TP63: variants seen among roughly 807,000 people sequenced by gnomAD.
The protein encoded by TP63 is tumor protein 63.
In TP63, 17 loss-of-function variants were observed where a neutral mutation model predicts 82.8. The ratio of observed to expected loss-of-function variants is 0.21; its 90% CI spans 0.14 to 0.31. The LOEUF is 0.31. Among genes scored for constraint, TP63 ranks in the 10% least tolerant of loss-of-function variants. The probability of loss-of-function intolerance (pLI) is 1.00; values close to 1 mark genes in which losing one functional copy is unlikely to be tolerated. For missense variants in TP63, 648 were observed against 895.3 expected (o/e 0.72, Z 3.52); for synonymous variants, 330 against 321.7 (o/e 1.03, Z -0.28).
chr3:189,718,439 C>T (rs62279898), intron 1 of TP63, among the ~76,000 whole-genome samples: 5 of 149,954 alleles, frequency 3.3e-5, no homozygotes, highest in Admixed American at 2.0e-4. Flanking sequence ...CAGGGTGGCA[C>T]GATGGGGGAA....
At chr3:189,718,777 C>A (rs1489144216) in intron 1 of TP63, among the ~76,000 whole-genome samples, 1 of 151,668 alleles carries the variant, frequency 6.6e-6, no homozygotes, top group African/African-American at 2.4e-5. Context: ...GGTAGAGAAC[C>A]TATACATGTA....
intron 7 of TP63, 96 bp from the exon 8 acceptor site, chr3:189,868,484 C>T (rs145255810): frequency 2.4e-5 from 37 of 1,548,806 alleles, no homozygotes; most frequent in East Asian, 1.4e-4. Context: ...AGTACGTTGG[C>T]GATGGCCCAT....
intron 10 of TP63, among the ~76,000 whole-genome samples, chr3:189,878,936 A>G (rs1719590048): frequency 6.8e-6 from 1 of 147,476 alleles, no homozygotes; most frequent in Non-Finnish European, 1.5e-5. Context: ...CCTACAGTTT[A>G]CTTTTGAATT....
chr3:189,739,088 G>A (rs796198414), intron 3 of TP63, among the ~76,000 whole-genome samples: 33 of 152,208 alleles, frequency 2.2e-4, no homozygotes, highest in African/African-American at 7.9e-4. Context: ...AGCTGGTAGG[G>A]ACAGCAAAAG....
At chr3:189,841,307 T>C (rs80135986) in intron 4 of TP63, among the ~76,000 whole-genome samples, 4,147 of 152,320 alleles carry the variant, frequency 0.027, 75 homozygotes, top group Middle Eastern at 0.048. Flanking sequence ...GACTTTCTTA[T>C]AGAGTTAGCT....
In TP63 at chr3:189,645,299, C is replaced by T. The variant is rs145825254; in HGVS notation, c.62+13722C>T. The T allele has an allele frequency of 1.0e-3, 489 of 471,778 alleles. 1 individual carries two copies. The Middle Eastern group carries it at 0.011, about 10-fold the overall frequency. The allele number at this position is 471,778 out of a possible 1,614,324, so 29.2% of individuals were successfully genotyped here. On this transcript the variant is annotated intron_variant, in intron 1 of 13. Coordinates refer to ENST00000264731, the MANE Select transcript of TP63 (RefSeq NM_003722.5). ...TCCACACACCCTTTGGTCTCTTGAA[C>T]TGCCCTTCTTTGGTTCCTTTTCCAC...
chr3:189,880,625 C>T (rs1713892176), intron 10 of TP63: 2 of 985,870 alleles, frequency 2.0e-6, no homozygotes, highest in South Asian at 9.4e-5. Context: ...TTGTTATTGT[C>T]TGTGCATAAG....
At chr3:189,712,490 CT>C (rs1718665143) in intron 1 of TP63, among the ~76,000 whole-genome samples, 1 of 152,098 alleles carries the variant, frequency 6.6e-6, no homozygotes, top group Non-Finnish European at 1.5e-5. Flanking sequence ...TGAGCACCAG[CT>C]TTTTCATAGG....
At chr3:189,833,566 C>T (rs1391275384) in intron 4 of TP63, among the ~76,000 whole-genome samples, 1 of 152,152 alleles carries the variant, frequency 6.6e-6, no homozygotes, top group African/African-American at 2.4e-5. Context: ...AATCTGTCCA[C>T]GTTGACAAAA....
intron 4 of TP63, among the ~76,000 whole-genome samples, chr3:189,833,271 G>A (rs1712637459): frequency 6.6e-6 from 1 of 152,330 alleles, no homozygotes; most frequent in African/African-American, 2.4e-5. Context: ...AGAAAACAGG[G>A]TGACTGAGTA....
At position 189,809,388 on chromosome 3, in the gene TP63, T is replaced by A. The variant is rs7624774; in HGVS notation, c.579+862T>A. Among the ~76,000 whole-genome samples, 46 of 152,228 alleles carry A rather than the reference T, an allele frequency of 3.0e-4. 1 individual carries two copies. In the East Asian group the frequency reaches 7.1e-3, roughly 24 times the overall value. On this transcript the variant is annotated intron_variant, in intron 4 of 13. Coordinates refer to ENST00000264731, the MANE Select transcript of TP63 (RefSeq NM_003722.5). ...AACTAGATCCAAGAATATTTTATTT[T>A]GAAGTGTATTTTGAAATGTATTATA... is the stretch of plus-strand genomic sequence containing the variant.
the TP63 span, among the ~76,000 whole-genome samples, chr3:189,607,788 A>G: frequency 6.6e-6 from 1 of 152,276 alleles, no homozygotes; most frequent in Admixed American, 6.5e-5. Flanking sequence ...TAGGTATTCT[A>G]GGATTATAAT....
At chr3:189,664,109 G>A (rs1330547493) in intron 1 of TP63, among the ~76,000 whole-genome samples, 2 of 151,940 alleles carry the variant, frequency 1.3e-5, no homozygotes, top group Admixed American at 6.6e-5. Context: ...TTAAAACTTA[G>A]GTCTGACTTC....
At chr3:189,656,243 T>C (rs1713347235) in intron 1 of TP63, among the ~76,000 whole-genome samples, 1 of 152,170 alleles carries the variant, frequency 6.6e-6, no homozygotes, top group Non-Finnish European at 1.5e-5. Context: ...GAGTTCTCTA[T>C]TATAAGAGAA....
intron 3 of TP63, among the ~76,000 whole-genome samples, chr3:189,750,525 C>A (rs1314151816): frequency 6.6e-6 from 1 of 152,118 alleles, no homozygotes; most frequent in Non-Finnish European, 1.5e-5. Context: ...ATCGAATACT[C>A]CAAACATCCT....
At chr3:189,667,275 A>G (rs1714485539) in intron 1 of TP63, among the ~76,000 whole-genome samples, 2 of 151,260 alleles carry the variant, frequency 1.3e-5, no homozygotes, top group African/African-American at 2.4e-5. Flanking sequence ...CCTGGATTCA[A>G]GAGATTCTCC....
At chr3:189,711,594 G>A (rs1417346751) in intron 1 of TP63, among the ~76,000 whole-genome samples, 1 of 152,106 alleles carries the variant, frequency 6.6e-6, no homozygotes, top group Non-Finnish European at 1.5e-5. Flanking sequence ...GGGTTTAATA[G>A]ATAAATCTGG....
chr3:189,664,040 C>T (rs1274125420), intron 1 of TP63, among the ~76,000 whole-genome samples: 3 of 152,038 alleles, frequency 2.0e-5, no homozygotes, highest in African/African-American at 7.2e-5. Flanking sequence ...AACATGGAGA[C>T]TGGGAAAAAG....
At chr3:189,637,866 C>T (rs182141805) in intron 1 of TP63, among the ~76,000 whole-genome samples, 7 of 152,158 alleles carry the variant, frequency 4.6e-5, no homozygotes, top group Non-Finnish European at 8.8e-5. Context: ...TGGAATAACT[C>T]GTATTATCCC....
Sources: allele counts gnomAD v4.1 joint callset (sites outside exome capture counted in the v4.1 genomes callset), GRCh38; gene constraint gnomAD v4.1.1; transcripts MANE v1.5; gene names NCBI Gene and HGNC (gene_info 2026-07-23, HGNC 2026-07-21).